The following SEMA6D variants were observed in gnomAD, a reference collection of about 807,000 sequenced individuals.
SEMA6D encodes semaphorin-6D.
In SEMA6D, 35 loss-of-function variants were observed where a neutral mutation model predicts 106.6. The observed-to-expected ratio is 0.33, with a 90% CI of 0.25 to 0.44. SEMA6D has a LOEUF of 0.44. Among genes scored for constraint, SEMA6D ranks in the 20% least tolerant of loss-of-function variants. SEMA6D has a pLI of 1.00. For synonymous variants in SEMA6D, 499 were observed against 487.7 expected (o/e 1.02, Z -0.31); for missense variants, 1,185 against 1,345.9 (o/e 0.88, Z 1.87).
intron 3 of SEMA6D, among the ~76,000 whole-genome samples, chr15:47,566,442 A>C (rs760042219): frequency 6.6e-5 from 10 of 152,246 alleles, no homozygotes; most frequent in Non-Finnish European, 1.5e-4. Context: ...GACCAACTGT[A>C]TGTTATCAAA....
chr15:47,320,917 A>G (rs867761396), intron 1 of SEMA6D, among the ~76,000 whole-genome samples: 2 of 152,052 alleles, frequency 1.3e-5, no homozygotes, highest in African/African-American at 2.4e-5. Flanking sequence ...TTGTATTTCT[A>G]TCATCAAGCA....
chr15:47,354,193 CTCTCTCTA>C (rs1324829262), intron 1 of SEMA6D, among the ~76,000 whole-genome samples: 395 of 15,194 alleles, frequency 0.026, no homozygotes, highest in African/African-American at 0.072. Flanking sequence ...CTCTCTCTCT[CTCTCTCTA>C]TATATATATA....
chr15:47,685,967 GA>G (rs1370455174), intron 4 of SEMA6D, among the ~76,000 whole-genome samples: 2 of 152,172 alleles, frequency 1.3e-5, no homozygotes, highest in East Asian at 3.9e-4. Flanking sequence ...CTGACACAGA[GA>G]GCCCACTGGA....
At chr15:47,351,135 T>C (rs1033328434) in intron 1 of SEMA6D, among the ~76,000 whole-genome samples, 1 of 152,202 alleles carries the variant, frequency 6.6e-6, no homozygotes, top group Admixed American at 6.5e-5. Flanking sequence ...TATCGCCTTC[T>C]TCCTAAAGAA....
At chr15:47,383,268 G>A (rs2039706541) in intron 1 of SEMA6D, among the ~76,000 whole-genome samples, 1 of 152,220 alleles carries the variant, frequency 6.6e-6, no homozygotes, top group South Asian at 2.1e-4. Context: ...AGCTCGTCTG[G>A]GAAGAGTTGT....
chr15:47,329,502 C>T (rs191412035), intron 1 of SEMA6D, among the ~76,000 whole-genome samples: 2 of 152,294 alleles, frequency 1.3e-5, no homozygotes, highest in Admixed American at 1.3e-4. Context: ...CAAAGTAATA[C>T]TAATGTCAGA....
At chr15:47,704,359 G>A (rs1210975284) in intron 4 of SEMA6D, among the ~76,000 whole-genome samples, 1 of 152,092 alleles carries the variant, frequency 6.6e-6, no homozygotes, top group Non-Finnish European at 1.5e-5. Flanking sequence ...ATTTTGTATA[G>A]TTTTAATGTA....
At chr15:47,599,434 A>G (rs55951118) in intron 3 of SEMA6D, among the ~76,000 whole-genome samples, 13,151 of 135,156 alleles carry the variant, frequency 0.097, 865 homozygotes, top group African/African-American at 0.2. Flanking sequence ...CTAATGGGGA[A>G]AGGTCTGCCT....
intron 1 of SEMA6D, among the ~76,000 whole-genome samples, chr15:47,301,165 C>T (rs546338996): frequency 2.0e-5 from 3 of 152,210 alleles, no homozygotes; most frequent in East Asian, 3.9e-4. Flanking sequence ...CTTCATTTCC[C>T]GTTTTTAGGT....
intron 4 of SEMA6D, among the ~76,000 whole-genome samples, chr15:47,611,844 T>C (rs1216072452): frequency 6.6e-6 from 1 of 152,182 alleles, no homozygotes; most frequent in African/African-American, 2.4e-5. Context: ...TGGTTTTGAT[T>C]AAGCTGAAAC....
intron 1 of SEMA6D, among the ~76,000 whole-genome samples, chr15:47,367,712 ACACACACACACACACAG>A: frequency 6.7e-6 from 1 of 150,146 alleles, no homozygotes; most frequent in African/African-American, 2.5e-5. Context: ...ACACACACAC[ACACACACACACACACAG>A]AGAGAGAGAA....
chr15:47,638,366 ATATTG>A (rs2077429066), intron 4 of SEMA6D, among the ~76,000 whole-genome samples: 1 of 152,228 alleles, frequency 6.6e-6, no homozygotes, highest in Non-Finnish European at 1.5e-5. Context: ...AAACTCAGGA[ATATTG>A]TAGCATTTTG....
At chr15:47,390,276 G>C (rs755992886) in intron 1 of SEMA6D, among the ~76,000 whole-genome samples, 6 of 152,126 alleles carry the variant, frequency 3.9e-5, no homozygotes, top group Non-Finnish European at 7.3e-5. Flanking sequence ...AAGAGCAATA[G>C]AGTGAGCCCA....
chr15:47,419,410 A>G (rs960836135), intron 2 of SEMA6D, among the ~76,000 whole-genome samples: 4 of 152,096 alleles, frequency 2.6e-5, no homozygotes, highest in African/African-American at 9.7e-5. Flanking sequence ...AGTATTAGAG[A>G]AAGTGATAAT....
chr15:47,594,386 C>A (rs1259248990), intron 3 of SEMA6D, among the ~76,000 whole-genome samples: 1 of 152,178 alleles, frequency 6.6e-6, no homozygotes, highest in Non-Finnish European at 1.5e-5. Flanking sequence ...AGTTAGCATA[C>A]CCATCACCTT....
chr15:47,407,368 C>CAAAAAAA (rs779136178), intron 1 of SEMA6D, among the ~76,000 whole-genome samples: 2 of 47,870 alleles, frequency 4.2e-5, no homozygotes, highest in African/African-American at 1.7e-4. Context: ...GACTCTATCT[C>CAAAAAAA]AAAAAAAAAA....
At chr15:47,770,152 A>G (rs536623947) in intron 18 of SEMA6D, among the ~76,000 whole-genome samples, 1 of 152,348 alleles carries the variant, frequency 6.6e-6, no homozygotes, top group Non-Finnish European at 1.5e-5. Context: ...ATATGAGTTT[A>G]AAGTTAGCTA....
intron 3 of SEMA6D, among the ~76,000 whole-genome samples, chr15:47,471,836 G>A (rs1245708172): frequency 6.6e-6 from 1 of 151,838 alleles, no homozygotes; most frequent in African/African-American, 2.4e-5. Context: ...ATGTGTGTCA[G>A]GAGAATGGAA....
At chr15:47,191,096 C>A (rs1279503437) in intron 1 of SEMA6D, among the ~76,000 whole-genome samples, 1 of 151,998 alleles carries the variant, frequency 6.6e-6, no homozygotes, top group East Asian at 1.9e-4. Flanking sequence ...ACTCTCTAGG[C>A]CTGGGAGCTT....
Sources: gnomAD v4.1 joint callset for allele counts (sites outside exome capture counted in the v4.1 genomes callset) on GRCh38, gnomAD v4.1.1 for gene constraint, MANE v1.5 for transcripts, NCBI Gene and HGNC (gene_info 2026-07-23, HGNC 2026-07-21) for gene names.